CORO2B: variants seen among roughly 807,000 people sequenced by gnomAD.
CORO2B encodes coronin-2B.
In CORO2B, 26 loss-of-function variants were observed where a neutral mutation model predicts 58.8. The observed-to-expected ratio is 0.44, with a 90% CI of 0.32 to 0.61. CORO2B has a LOEUF of 0.61. Among genes scored for constraint, CORO2B ranks in the 20% least tolerant of loss-of-function variants. The pLI is 0.04. For synonymous variants in CORO2B, 242 were observed against 253.8 expected (o/e 0.95, Z 0.44); for missense variants, 460 against 645.1 (o/e 0.71, Z 3.11).
intron 2 of CORO2B, among the ~76,000 whole-genome samples, chr15:68,648,210 G>A (rs1446740923): frequency 5.9e-5 from 9 of 151,756 alleles, no homozygotes; most frequent in Non-Finnish European, 1.2e-4. Context: ...GCATGTGCCT[G>A]TAGTCCCAGC....
chr15:68,561,020 G>A, the CORO2B span, among the ~76,000 whole-genome samples: 1 of 152,166 alleles, frequency 6.6e-6, no homozygotes, highest in African/African-American at 2.4e-5. Context: ...TTCCCCCAAA[G>A]GAATGGCACA....
chr15:68,670,424 C>T (rs982160249), intron 2 of CORO2B, among the ~76,000 whole-genome samples: 5 of 152,194 alleles, frequency 3.3e-5, no homozygotes, highest in African/African-American at 1.2e-4. Context: ...AAGTGATCCT[C>T]CTGCCTCAGC....
At chr15:68,616,637 G>T in intron 1 of CORO2B, 1 of 984,226 alleles carries the variant, frequency 1.0e-6, no homozygotes, top group Non-Finnish European at 1.2e-6. Flanking sequence ...GTGTCAGCGC[G>T]TGGGCCCCAG....
chr15:68,591,695 T>A (rs528532273), intron 1 of CORO2B, among the ~76,000 whole-genome samples: 1 of 152,252 alleles, frequency 6.6e-6, no homozygotes, highest in African/African-American at 2.4e-5. Flanking sequence ...GAGCTGGGTG[T>A]CACATATGCC....
the CORO2B span, among the ~76,000 whole-genome samples, chr15:68,569,755 C>G: frequency 1.3e-5 from 2 of 152,230 alleles, no homozygotes; most frequent in Non-Finnish European, 2.9e-5. Flanking sequence ...TTCCTACCAA[C>G]AATGAATGAG....
chr15:68,561,062 G>A, the CORO2B span, among the ~76,000 whole-genome samples: 18 of 152,092 alleles, frequency 1.2e-4, no homozygotes, highest in African/African-American at 4.3e-4. Context: ...GGTTGTTGAG[G>A]GATTTATGTT....
At chr15:68,602,008 C>G (rs1466018622) in intron 1 of CORO2B, among the ~76,000 whole-genome samples, 19 of 133,346 alleles carry the variant, frequency 1.4e-4, no homozygotes, top group African/African-American at 4.9e-4. Flanking sequence ...GATGGGAAGG[C>G]TTTTTTTTTT....
chr15:68,563,784 G>A, the CORO2B span, among the ~76,000 whole-genome samples: 298 of 152,086 alleles, frequency 2.0e-3, 1 homozygote, highest in African/African-American at 6.9e-3. Context: ...GATGAAATCC[G>A]CAAATTCCTA....
At chr15:68,617,481 G>A (rs1427519458) in intron 1 of CORO2B, among the ~76,000 whole-genome samples, 2 of 152,178 alleles carry the variant, frequency 1.3e-5, no homozygotes, top group African/African-American at 4.8e-5. Context: ...GCCCATACTG[G>A]ACCTCCACAT....
At chr15:68,671,703 C>T (rs1902399681) in intron 2 of CORO2B, among the ~76,000 whole-genome samples, 1 of 152,208 alleles carries the variant, frequency 6.6e-6, no homozygotes. Flanking sequence ...CTCAGTCCCT[C>T]ACACCTGGTC....
At chr15:68,560,118 A>C in the CORO2B span, among the ~76,000 whole-genome samples, 1 of 152,160 alleles carries the variant, frequency 6.6e-6, no homozygotes, top group East Asian at 1.9e-4. Context: ...TGCAGTGCTC[A>C]GGCATTGGCT....
At chr15:68,653,538 C>T (rs149669399) in intron 2 of CORO2B, among the ~76,000 whole-genome samples, 1 of 152,140 alleles carries the variant, frequency 6.6e-6, no homozygotes, top group Non-Finnish European at 1.5e-5. Context: ...GAATGCAGCA[C>T]CATACAGGGG....
At chr15:68,526,777 A>G in the CORO2B span, among the ~76,000 whole-genome samples, 1 of 152,314 alleles carries the variant, frequency 6.6e-6, no homozygotes, top group East Asian at 1.9e-4. Context: ...TACTTTATTA[A>G]AATATAGTGT....
chr15:68,568,210 C>T, the CORO2B span, among the ~76,000 whole-genome samples: 2 of 152,150 alleles, frequency 1.3e-5, no homozygotes, highest in East Asian at 1.9e-4. Flanking sequence ...CACTGACCAG[C>T]GGTATGACCC....
At chr15:68,701,100 G>A (rs1042472683) in intron 3 of CORO2B, among the ~76,000 whole-genome samples, 3 of 152,128 alleles carry the variant, frequency 2.0e-5, no homozygotes, top group African/African-American at 7.2e-5. Context: ...TCTTGGAGCT[G>A]GAAGGGAGTG....
At chr15:68,719,320 C>G in intron 10 of CORO2B, 86 bp downstream of exon 10, 1 of 1,599,356 alleles carries the variant, frequency 6.3e-7, no homozygotes, top group Non-Finnish European at 8.6e-7. Flanking sequence ...TTGTCTGTCC[C>G]CCTGTTTGAA....
At chr15:68,677,603 G>A (rs1036809400) in intron 2 of CORO2B, among the ~76,000 whole-genome samples, 21 of 152,206 alleles carry the variant, frequency 1.4e-4, no homozygotes, top group African/African-American at 4.8e-4. Flanking sequence ...TTACTTGGGA[G>A]CGGACCTTCA....
At chr15:68,551,791 AAATT>A in the CORO2B span, among the ~76,000 whole-genome samples, 4 of 152,378 alleles carry the variant, frequency 2.6e-5, no homozygotes, top group Middle Eastern at 6.8e-3. Flanking sequence ...TTATAATGAC[AAATT>A]AATACTTTTC....
At chr15:68,587,219 C>G (rs1899590020) in intron 1 of CORO2B, among the ~76,000 whole-genome samples, 1 of 152,072 alleles carries the variant, frequency 6.6e-6, no homozygotes, top group Non-Finnish European at 1.5e-5. Context: ...CAAAAAAAAC[C>G]CCCTAAGTGT....
Sources: gnomAD v4.1 joint callset for allele counts (sites outside exome capture counted in the v4.1 genomes callset) on GRCh38, gnomAD v4.1.1 for gene constraint, MANE v1.5 for transcripts, NCBI Gene and HGNC (gene_info 2026-07-23, HGNC 2026-07-21) for gene names.